The following UBE2E2 variants were observed in gnomAD, a reference collection of about 807,000 sequenced individuals.
UBE2E2 encodes the protein ubiquitin conjugating enzyme E2 E2.
UBE2E2 carries 6 observed loss-of-function variants against 24.7 expected under a neutral mutation model. That is an observed-to-expected ratio of 0.24 (90% CI 0.13 to 0.48). The LOEUF is 0.48. Ranked by LOEUF, UBE2E2 falls within the 20% of genes least tolerant of loss-of-function variation. UBE2E2 has a pLI of 0.99. For synonymous variants in UBE2E2, 104 were observed against 83.6 expected (o/e 1.24, Z -1.33); for missense variants, 169 against 245.0 (o/e 0.69, Z 2.07).
intron 3 of UBE2E2, among the ~76,000 whole-genome samples, chr3:23,457,987 C>A (rs1269568564): frequency 6.6e-6 from 1 of 152,148 alleles, no homozygotes; most frequent in Non-Finnish European, 1.5e-5. Flanking sequence ...TCTTATCATT[C>A]ATGTGTTCAC....
chr3:23,357,706 A>C (rs1695998542), intron 3 of UBE2E2, among the ~76,000 whole-genome samples: 1 of 152,296 alleles, frequency 6.6e-6, no homozygotes, highest in African/African-American at 2.4e-5. Context: ...AAATACAGAA[A>C]GCTTAGATGT....
intron 3 of UBE2E2, among the ~76,000 whole-genome samples, chr3:23,355,388 C>A (rs74743894): frequency 0.029 from 4,389 of 151,896 alleles, 109 homozygotes; most frequent in East Asian, 0.13. Flanking sequence ...TAATGAAAGA[C>A]AAAAAAGAAG....
chr3:23,512,154 T>C (rs575635572), intron 4 of UBE2E2, among the ~76,000 whole-genome samples: 1 of 151,472 alleles, frequency 6.6e-6, no homozygotes, highest in East Asian at 1.9e-4. Flanking sequence ...TGCACAGTAA[T>C]TCAGTTTTTT....
In UBE2E2 at chr3:23,589,795, G is replaced by T; in HGVS notation, c.570G>T (p.Arg190=). 2 of 1,614,224 alleles carry T rather than the reference G, an allele frequency of 1.2e-6. No homozygotes were observed. Among genetic ancestry groups the T allele is most frequent in the Non-Finnish European group, 1.7e-6 (2 of 1,180,028 alleles). The part of the protein sequence containing the change: ...QYMTNRAEHD[R]MARQWTKRYA... ...TGACCAACAGAGCAGAGCATGACCG[G>T]ATGGCCAGACAGTGGACCAAGCGGT... The change falls in exon 6 of 6, where the codon CGG becomes CGT. Residue 190 remains arginine, a synonymous_variant. Transcript: ENST00000396703. The surrounding 1 kb of genome is among the most constrained non-coding windows in gnomAD (Gnocchi z 4.1).
At chr3:23,446,764 AC>A (rs1361337467) in intron 3 of UBE2E2, among the ~76,000 whole-genome samples, 2 of 143,570 alleles carry the variant, frequency 1.4e-5, no homozygotes, top group Non-Finnish European at 3.0e-5. Context: ...TATGGTGAGG[AC>A]CACCACCCCT....
Position 23,280,529 on chromosome 3 carries a change from C to T in UBE2E2, c.227+63217C>T, listed in dbSNP as rs937248523. ...TTGCCTTCTTTTTTCCCATCCGTGG[C>T]TGGCAGTTGACAGTGTTGAGGTTGT... On this transcript the variant is annotated intron_variant, in intron 3 of 5. Transcript: ENST00000396703. The surrounding 1 kb of genome is among the most constrained non-coding windows in gnomAD (Gnocchi z 4.3). 6.6e-6 allele frequency among the ~76,000 whole-genome samples: 1 copy of T among 152,164 alleles called. No homozygotes were observed. Among genetic ancestry groups the T allele is most frequent in the African/African-American group, 2.4e-5 (1 of 41,432 alleles).
At chr3:23,431,033 T>A (rs576858261) in intron 3 of UBE2E2, among the ~76,000 whole-genome samples, 4 of 152,174 alleles carry the variant, frequency 2.6e-5, no homozygotes, top group Non-Finnish European at 5.9e-5. Context: ...TGCAGAATGT[T>A]CTAGAGATTC....
intron 3 of UBE2E2, among the ~76,000 whole-genome samples, chr3:23,425,778 A>G (rs1380408878): frequency 3.1e-4 from 47 of 151,460 alleles, no homozygotes; most frequent in Admixed American, 3.0e-3. Flanking sequence ...CCGCTTTCTT[A>G]CCCCCACTTT....
chr3:23,564,758 C>A (rs1696025589), intron 5 of UBE2E2, among the ~76,000 whole-genome samples: 1 of 152,100 alleles, frequency 6.6e-6, no homozygotes, highest in African/African-American at 2.4e-5. Context: ...ACCAAGAAGC[C>A]AGGTTTCTAC....
intron 5 of UBE2E2, among the ~76,000 whole-genome samples, chr3:23,556,454 T>TAAAA (rs5847239): frequency 0.018 from 1,728 of 94,282 alleles, 130 homozygotes; most frequent in African/African-American, 0.073. Context: ...AAAATTTATT[T>TAAAA]AAAAAAAAAA....
intron 3 of UBE2E2, among the ~76,000 whole-genome samples, chr3:23,239,670 G>T (rs769808175): frequency 1.1e-4 from 16 of 152,170 alleles, no homozygotes; most frequent in Non-Finnish European, 1.6e-4. Context: ...GAAATAAGGG[G>T]GAGAGATGAG....
intron 5 of UBE2E2, 66 bp downstream of exon 5, chr3:23,532,767 CTTG>C: frequency 7.3e-7 from 1 of 1,370,856 alleles, no homozygotes; most frequent in Non-Finnish European, 9.8e-7. Flanking sequence ...CCCTTAGTAA[CTTG>C]TTTACTACTG....
intron 5 of UBE2E2, among the ~76,000 whole-genome samples, chr3:23,582,860 A>T (rs867180755): frequency 2.1e-4 from 24 of 116,774 alleles, no homozygotes; most frequent in African/African-American, 3.5e-4. Flanking sequence ...TATTCTGTTG[A>T]GTGTGTGTGT....
At chr3:23,278,680 C>T (rs1698421081) in intron 3 of UBE2E2, among the ~76,000 whole-genome samples, 1 of 151,962 alleles carries the variant, frequency 6.6e-6, no homozygotes, top group South Asian at 2.1e-4. Context: ...CTAAATGTAC[C>T]TTTCAAAACG....
chr3:23,277,803 A>G (rs1364987666), intron 3 of UBE2E2, among the ~76,000 whole-genome samples: 1 of 152,074 alleles, frequency 6.6e-6, no homozygotes, highest in Non-Finnish European at 1.5e-5. Flanking sequence ...CATTCAAAGC[A>G]CTTTTTTGAT....
Position 23,431,711 on chromosome 3 carries a change from A to G in UBE2E2, c.228-67897A>G, listed in dbSNP as rs967161071. ...GCAGTAAAAATAAAATAGTATAAACAGATTTTTTTTTAGCCTCTGAAAACC... is the reference window on the plus strand; with the variant it reads ...GCAGTAAAAATAAAATAGTATAAACGGATTTTTTTTTAGCCTCTGAAAACC... On this transcript the variant is annotated intron_variant, in intron 3 of 5. Transcript: ENST00000396703. Among the ~76,000 whole-genome samples the G allele has an allele frequency of 3.3e-5, 5 of 152,102 alleles. No homozygotes were observed. In the East Asian group the frequency reaches 9.6e-4, roughly 29 times the overall value.
chr3:23,489,550 C>T (rs112683960), intron 3 of UBE2E2, among the ~76,000 whole-genome samples: 1 of 152,220 alleles, frequency 6.6e-6, no homozygotes, highest in Non-Finnish European at 1.5e-5. Flanking sequence ...GAAACTCTTA[C>T]TGTTTCCATG....
At chr3:23,506,359 G>A (rs1250304217) in intron 4 of UBE2E2, among the ~76,000 whole-genome samples, 2 of 152,166 alleles carry the variant, frequency 1.3e-5, no homozygotes, top group South Asian at 2.1e-4. Flanking sequence ...ACATCAGCCA[G>A]ACCAGCTCCT....
chr3:23,528,489 A>T (rs1695050333), intron 4 of UBE2E2, among the ~76,000 whole-genome samples: 1 of 151,892 alleles, frequency 6.6e-6, no homozygotes, highest in Admixed American at 6.6e-5. Flanking sequence ...GTGGGTTTTT[A>T]TGATTTCAGA....
Sources: allele counts gnomAD v4.1 joint callset (sites outside exome capture counted in the v4.1 genomes callset), GRCh38; gene constraint gnomAD v4.1.1; non-coding constraint Gnocchi (gnomAD v3.1); transcripts MANE v1.5; gene names NCBI Gene and HGNC (gene_info 2026-07-23, HGNC 2026-07-21).